Variants in GPHN observed in about 807,000 individuals in gnomAD.
GPHN encodes the protein gephyrin.
A neutral mutation model predicts 95.5 loss-of-function variants in GPHN; 17 were observed. The observed-to-expected ratio is 0.18, with a 90% CI of 0.12 to 0.27. The LOEUF (loss-of-function observed/expected upper bound fraction) is 0.27, where lower values mean the gene tolerates loss of function less well. GPHN is among the 10% of genes least tolerant of loss of function. The pLI is 1.00. For missense variants in GPHN, 660 were observed against 978.1 expected, an observed-to-expected ratio of 0.67 and a Z score of 4.34; for synonymous variants, 320 against 322.5, an observed-to-expected ratio of 0.99 and a Z score of 0.08.
chr14:66,548,543 G>A (rs527281659), intron 1 of GPHN, among the ~76,000 whole-genome samples: 1 of 152,286 alleles, frequency 6.6e-6, no homozygotes, highest in African/African-American at 2.4e-5. Context: ...AACATAATAT[G>A]TGAATTCTGA....
At chr14:67,401,839 T>C in the GPHN span, among the ~76,000 whole-genome samples, 1 of 151,900 alleles carries the variant, frequency 6.6e-6, no homozygotes, top group Non-Finnish European at 1.5e-5. Flanking sequence ...AAAATACAAA[T>C]ACAGGCCGGC....
chr14:66,522,360 T>C (rs927759417), intron 1 of GPHN, among the ~76,000 whole-genome samples: 1 of 152,200 alleles, frequency 6.6e-6, no homozygotes, highest in Non-Finnish European at 1.5e-5. Context: ...CTAGCAACAC[T>C]TGTCCGGGAG....
chr14:67,261,245 G>T, the GPHN span, among the ~76,000 whole-genome samples: 1 of 152,142 alleles, frequency 6.6e-6, no homozygotes, highest in Non-Finnish European at 1.5e-5. Flanking sequence ...GCAATACTGT[G>T]TAAAATGATT....
At chr14:67,432,064 TG>T in the GPHN span, among the ~76,000 whole-genome samples, 1 of 152,222 alleles carries the variant, frequency 6.6e-6, no homozygotes, top group Non-Finnish European at 1.5e-5. Context: ...TAGTGAGAAG[TG>T]TGTCTCTCCT....
chr14:67,248,152 G>A, the GPHN span, among the ~76,000 whole-genome samples: 1 of 152,042 alleles, frequency 6.6e-6, no homozygotes, highest in African/African-American at 2.4e-5. Context: ...ATATTTGCAT[G>A]TTTCTGGGAC....
At chr14:67,049,415 A>G (rs915098438) in intron 10 of GPHN, among the ~76,000 whole-genome samples, 5 of 151,638 alleles carry the variant, frequency 3.3e-5, no homozygotes, top group Non-Finnish European at 7.4e-5. Flanking sequence ...TTTTTAGTAG[A>G]GACGGGGTTT....
chr14:67,695,926 G>A, the GPHN span: 2 of 558,366 alleles, frequency 3.6e-6, no homozygotes, highest in East Asian at 3.0e-5. Context: ...AACCATCTAG[G>A]GCTTAGGGCC....
intron 3 of GPHN, among the ~76,000 whole-genome samples, chr14:66,800,219 T>C (rs1047587209): frequency 7.9e-5 from 12 of 152,132 alleles, no homozygotes; most frequent in African/African-American, 2.9e-4. Context: ...GTCTTTCTAC[T>C]TAAGATAAGA....
chr14:67,025,163 T>C (rs892203673), intron 10 of GPHN, among the ~76,000 whole-genome samples: 4 of 152,190 alleles, frequency 2.6e-5, no homozygotes, highest in Non-Finnish European at 4.4e-5. Flanking sequence ...TAAGGAATCC[T>C]TTTTAGGACT....
the GPHN span, among the ~76,000 whole-genome samples, chr14:67,478,952 G>A: frequency 3.3e-5 from 5 of 152,114 alleles, no homozygotes; most frequent in South Asian, 2.1e-4. Context: ...ACCTAACTCC[G>A]ATTCTGCAAA....
chr14:67,078,384 G>A (rs2076574471), intron 11 of GPHN, among the ~76,000 whole-genome samples: 1 of 152,110 alleles, frequency 6.6e-6, no homozygotes, highest in African/African-American at 2.4e-5. Context: ...GCTCACTGCT[G>A]TTTCTCTACC....
At chr14:67,187,362 C>A in the GPHN span, among the ~76,000 whole-genome samples, 1 of 152,160 alleles carries the variant, frequency 6.6e-6, no homozygotes. Flanking sequence ...ATTCACCCAG[C>A]TTCCCAAACC....
chr14:67,498,267 C>T, the GPHN span, among the ~76,000 whole-genome samples: 3 of 152,256 alleles, frequency 2.0e-5, no homozygotes, highest in African/African-American at 7.2e-5. Flanking sequence ...GTTCTATAAG[C>T]TTCTGAGCCA....
At chr14:67,578,766 C>T in the GPHN span, 1 of 686,538 alleles carries the variant, frequency 1.5e-6, no homozygotes, top group Non-Finnish European at 2.6e-6. This position sits in a 1 kb window ranked among gnomAD's most constrained non-coding sequence, Gnocchi z 5.0. Context: ...GGAGACTTCA[C>T]CCATTGCCGT....
At position 66,633,926 on chromosome 14, in the gene GPHN, A is replaced by AT. The variant is rs1422115301; in HGVS notation, c.65-47178dup. Among the ~76,000 whole-genome samples, 3 of 150,972 alleles carry AT rather than the reference A, an allele frequency of 2.0e-5. 1 individual carries two copies. The highest frequency in any genetic ancestry group is 4.4e-5 in the Non-Finnish European group (3 of 67,718). On this transcript the variant is annotated intron_variant, in intron 1 of 22. Transcript: ENST00000478722. The stretch of plus-strand genomic sequence containing the variant: ...CTTTAAGACATTGGTTTGGGAAAAG[A>AT]TTTAGTTTCTGGGTTTTCTTTCTGT...
the GPHN span, among the ~76,000 whole-genome samples, chr14:67,427,698 C>T: frequency 4.6e-5 from 7 of 152,242 alleles, no homozygotes; most frequent in East Asian, 3.9e-4. Flanking sequence ...TGGCAGACAA[C>T]GATTTAGTTT....
At chr14:67,453,512 G>A in the GPHN span, among the ~76,000 whole-genome samples, 11 of 152,146 alleles carry the variant, frequency 7.2e-5, no homozygotes, top group East Asian at 1.9e-4. Flanking sequence ...TCTGGCTGTC[G>A]CCTTCCTGCC....
chr14:66,852,539 T>C (rs1225180236), intron 4 of GPHN, among the ~76,000 whole-genome samples: 1 of 152,266 alleles, frequency 6.6e-6, no homozygotes, highest in African/African-American at 2.4e-5. Context: ...TCCCTGTTAT[T>C]ATTTCTGGGT....
At chr14:66,763,277 A>C (rs2058830457) in intron 2 of GPHN, among the ~76,000 whole-genome samples, 1 of 146,204 alleles carries the variant, frequency 6.8e-6, no homozygotes, top group Non-Finnish European at 1.5e-5. Context: ...TTTAGGGTAC[A>C]TGTGCACATT....
Sources: gnomAD v4.1 joint callset for allele counts (sites outside exome capture counted in the v4.1 genomes callset) on GRCh38, gnomAD v4.1.1 for gene constraint, Gnocchi (gnomAD v3.1) non-coding constraint, MANE v1.5 for transcripts, NCBI Gene and HGNC (gene_info 2026-07-23, HGNC 2026-07-21) for gene names.